Variants in UNC13C observed in about 807,000 individuals in gnomAD.
The protein encoded by UNC13C is unc-13 homolog C.
In UNC13C, 174 loss-of-function variants were observed where a neutral mutation model predicts 245.4. The observed-to-expected ratio is 0.71, with a 90% CI of 0.63 to 0.80. The LOEUF (loss-of-function observed/expected upper bound fraction) is 0.80. UNC13C is among the 30% of genes least tolerant of loss of function. UNC13C has a pLI of 0.00. For synonymous variants in UNC13C, 992 were observed against 895.1 expected (o/e 1.11, Z -1.93); for missense variants, 2,829 against 2,602.9 (o/e 1.09, Z -1.89).
chr15:53,958,028 C>G, the UNC13C span, among the ~76,000 whole-genome samples: 1 of 151,978 alleles, frequency 6.6e-6, no homozygotes, highest in Middle Eastern at 3.4e-3. Context: ...TAATTTTGTT[C>G]TTTATTTCTA....
intron 7 of UNC13C, among the ~76,000 whole-genome samples, chr15:54,239,336 T>C (rs1161739477): frequency 6.6e-6 from 1 of 152,194 alleles, no homozygotes; most frequent in Non-Finnish European, 1.5e-5. Context: ...ACAAAACATA[T>C]TCGTTTGACT....
chr15:54,240,383 C>G (rs886700728), intron 7 of UNC13C, among the ~76,000 whole-genome samples: 2 of 152,178 alleles, frequency 1.3e-5, no homozygotes, highest in Admixed American at 1.3e-4. Flanking sequence ...CTTCTTGGTG[C>G]TGAAAATCTT....
the UNC13C span, among the ~76,000 whole-genome samples, chr15:53,857,175 A>C: frequency 4.6e-5 from 7 of 152,056 alleles, no homozygotes; most frequent in African/African-American, 7.2e-5. Flanking sequence ...TTTTTCCACC[A>C]TGTGGTCACA....
At chr15:53,920,742 CA>C in the UNC13C span, among the ~76,000 whole-genome samples, 1 of 151,206 alleles carries the variant, frequency 6.6e-6, no homozygotes, top group East Asian at 1.9e-4. Context: ...TTTATTTTCT[CA>C]AAAAACATTA....
chr15:54,404,056 G>A (rs2040242712), intron 18 of UNC13C, among the ~76,000 whole-genome samples: 1 of 152,068 alleles, frequency 6.6e-6, no homozygotes, highest in South Asian at 2.1e-4. Context: ...TACATGTCAA[G>A]CATCTTAAGT....
At chr15:54,280,743 T>C (rs1272985692) in intron 10 of UNC13C, among the ~76,000 whole-genome samples, 3 of 107,420 alleles carry the variant, frequency 2.8e-5, no homozygotes, top group Non-Finnish European at 5.9e-5. Context: ...TACATACATA[T>C]ATACATATAT....
intron 4 of UNC13C, among the ~76,000 whole-genome samples, chr15:54,207,019 T>C (rs1455419488): frequency 2.0e-5 from 3 of 152,000 alleles, no homozygotes; most frequent in African/African-American, 7.2e-5. Flanking sequence ...CCGTGGGCCC[T>C]AAATAAAAGT....
In UNC13C at chr15:54,335,342, T is replaced by C. The variant is rs1408081038; in HGVS notation, c.4584+1486T>C. Among the ~76,000 whole-genome samples, 3 of 152,316 alleles carry C rather than the reference T, an allele frequency of 2.0e-5. No individual in the cohort carries two copies. In the East Asian group the frequency reaches 5.8e-4, roughly 29 times the overall value. On this transcript the variant is annotated intron_variant, in intron 16 of 32. Coordinates refer to ENST00000260323, the MANE Select transcript of UNC13C (RefSeq NM_001080534.3). Reference sequence around the variant, plus strand: ...CAAAACTCCTTGAAATAGTCATCTATACATTTCTTTCCAATTAATTTCCTC... The same window carrying C: ...CAAAACTCCTTGAAATAGTCATCTACACATTTCTTTCCAATTAATTTCCTC...
intron 19 of UNC13C, among the ~76,000 whole-genome samples, chr15:54,492,589 C>T (rs773764493): frequency 2.6e-5 from 4 of 152,136 alleles, no homozygotes; most frequent in Non-Finnish European, 4.4e-5. Context: ...ATTAATGGTA[C>T]TGCAGTGATT....
intron 2 of UNC13C, among the ~76,000 whole-genome samples, chr15:54,040,199 C>T (rs544778271): frequency 6.6e-6 from 1 of 152,276 alleles, no homozygotes; most frequent in South Asian, 2.1e-4. Context: ...CAGACAGACT[C>T]TAAGACAGGG....
intron 30 of UNC13C, among the ~76,000 whole-genome samples, chr15:54,620,918 G>C (rs998280263): frequency 6.6e-6 from 1 of 152,130 alleles, no homozygotes. Context: ...TGGTGTTGGG[G>C]GGAGGAAGGA....
intron 17 of UNC13C, among the ~76,000 whole-genome samples, chr15:54,348,795 C>A (rs994201148): frequency 2.0e-5 from 3 of 152,048 alleles, no homozygotes; most frequent in Non-Finnish European, 4.4e-5. Context: ...TTAAAATGTG[C>A]CCTGAAATGT....
intron 10 of UNC13C, among the ~76,000 whole-genome samples, chr15:54,292,374 C>A (rs79418924): frequency 0.025 from 3,769 of 151,970 alleles, 83 homozygotes; most frequent in East Asian, 0.075. Flanking sequence ...CCACTGAATG[C>A]CAGTAACGTC....
chr15:54,471,430 G>A (rs143049561), intron 19 of UNC13C, among the ~76,000 whole-genome samples: 1 of 151,418 alleles, frequency 6.6e-6, no homozygotes, highest in Non-Finnish European at 1.5e-5. Flanking sequence ...TTGATGAATT[G>A]ACCCTTTATC....
At chr15:54,307,061 T>G (rs538773476) in intron 13 of UNC13C, among the ~76,000 whole-genome samples, 3 of 152,120 alleles carry the variant, frequency 2.0e-5, no homozygotes, top group Admixed American at 2.0e-4. Flanking sequence ...AACCCCACAT[T>G]CTAGAAGATG....
chr15:54,002,388 T>C (rs1022891731), intron 1 of UNC13C, among the ~76,000 whole-genome samples: 21 of 152,142 alleles, frequency 1.4e-4, no homozygotes, highest in Admixed American at 1.3e-3. Flanking sequence ...CTTTTTTTTT[T>C]CTCTTCTGTC....
intron 16 of UNC13C, among the ~76,000 whole-genome samples, chr15:54,338,095 T>C (rs751503324): frequency 1.5e-4 from 23 of 152,186 alleles, no homozygotes; most frequent in Non-Finnish European, 2.5e-4. Context: ...TGTTGAATGA[T>C]GGAATGGAAT....
chr15:54,147,787 TGC>T (rs199799770), intron 4 of UNC13C, among the ~76,000 whole-genome samples: 4 of 116,480 alleles, frequency 3.4e-5, no homozygotes, highest in African/African-American at 1.1e-4. Context: ...GCAAGGTGTG[TGC>T]GTGTGTGTGT....
At chr15:54,456,479 T>A (rs1387666321) in intron 19 of UNC13C, among the ~76,000 whole-genome samples, 1 of 152,114 alleles carries the variant, frequency 6.6e-6, no homozygotes, top group Non-Finnish European at 1.5e-5. Flanking sequence ...TACCCATCCA[T>A]GAGCATGGGA....
Sources: gnomAD v4.1 joint callset for allele counts (sites outside exome capture counted in the v4.1 genomes callset) on GRCh38, gnomAD v4.1.1 for gene constraint, MANE v1.5 for transcripts, NCBI Gene and HGNC (gene_info 2026-07-23, HGNC 2026-07-21) for gene names.